Variants in HYDIN observed in about 807,000 individuals in gnomAD.
HYDIN encodes HYDIN axonemal central pair apparatus protein.
Under a neutral mutation model 403.9 loss-of-function variants are expected in HYDIN, and 132 were observed. The ratio of observed to expected loss-of-function variants is 0.33; its 90% CI spans 0.28 to 0.38. The LOEUF (loss-of-function observed/expected upper bound fraction) is 0.38. Among genes scored for constraint, HYDIN ranks in the 10% least tolerant of loss-of-function variants. HYDIN has a pLI of 1.00. For synonymous variants in HYDIN, 1,202 were observed against 1,891.7 expected (o/e 0.64, Z 9.46); for missense variants, 2,827 against 5,009.5 (o/e 0.56, Z 13.15).
rs978535304 is a variant in HYDIN, at chr16:71,217,032, T to C, written c.-24+13530A>G. Among the ~76,000 whole-genome samples, 9 of 152,234 alleles carry C rather than the reference T, an allele frequency of 5.9e-5. 1 individual carries two copies. The highest frequency in any genetic ancestry group is 4.6e-4 in the Admixed American group (7 of 15,284). ...CTCACAGGTTTGGCACAGGAACTGA[T>C]AGCAGTAGGTACCTTTTGGACAGGT... is the stretch of plus-strand genomic sequence containing the variant. On this transcript the variant is annotated intron_variant, in intron 1 of 85. Coordinates refer to ENST00000393567, the MANE Select transcript of HYDIN (RefSeq NM_001270974.2).
intron 6 of HYDIN, among the ~76,000 whole-genome samples, chr16:71,162,120 A>T (rs1213175574): frequency 6.7e-6 from 1 of 148,734 alleles, no homozygotes; most frequent in African/African-American, 2.5e-5. Context: ...CTTCTGACCC[A>T]CTGAAAAGTA....
rs929038878 is a variant in HYDIN, at chr16:70,858,767, G to A, written c.12130-897C>T. On this transcript the variant is annotated intron_variant, in intron 71 of 85. Transcript: ENST00000393567. ...ATTTTGGAACTTGCCTCTTGGAACC[G>A]AGCTCACATTTGAAACATTTCTGGG... Among the ~76,000 whole-genome samples the A allele has an allele frequency of 5.9e-5, 9 of 152,318 alleles. No homozygotes were observed. The East Asian group carries it at 9.7e-4, about 16-fold the overall frequency.
rs1435743026 is a variant in HYDIN at position 70,807,311 on chromosome 16, G to C, written c.*269C>G. On this transcript the variant is annotated 3_prime_UTR_variant, in exon 86 of 86. Coordinates refer to ENST00000393567, the MANE Select transcript of HYDIN (RefSeq NM_001270974.2). The stretch of plus-strand genomic sequence containing the variant: ...ATGGGAATTATTACAAAGTACTTGA[G>C]CTTTGGGGCTATGTCAAGAAACTCA... 1 of 413,392 alleles carries C rather than the reference G, an allele frequency of 2.4e-6. No individual in the cohort carries two copies. Among genetic ancestry groups the C allele is most frequent in the African/African-American group, 2.0e-5 (1 of 50,068 alleles). 25.6% of individuals were successfully genotyped at this position (413,392 alleles called of 1,614,324 possible).
At chr16:71,030,356 C>A (rs1239890714) in intron 19 of HYDIN, among the ~76,000 whole-genome samples, 3 of 151,614 alleles carry the variant, frequency 2.0e-5, no homozygotes, top group African/African-American at 7.3e-5. Context: ...TGCTCCCAGC[C>A]CAAACCTTAT....
At chr16:71,092,186 C>T (rs2083128307) in intron 11 of HYDIN, among the ~76,000 whole-genome samples, 1 of 152,130 alleles carries the variant, frequency 6.6e-6, no homozygotes, top group Admixed American at 6.5e-5. Flanking sequence ...CTTGAATGCA[C>T]TTCCTCTTTT....
Position 71,072,454 on chromosome 16 carries a change from A to G in HYDIN, c.1739-2952T>C, listed in dbSNP as rs2082496678. On this transcript the variant is annotated intron_variant, in intron 13 of 85. Coordinates refer to ENST00000393567, the MANE Select transcript of HYDIN (RefSeq NM_001270974.2). ...CCACTGCTGTGACTGTGACTAAGAAACTGTAGACTATAAGTTTCCCACCTG... is the reference window on the plus strand; with the variant it reads ...CCACTGCTGTGACTGTGACTAAGAAGCTGTAGACTATAAGTTTCCCACCTG... 3.9e-5 allele frequency among the ~76,000 whole-genome samples: 6 copies of G among 152,340 alleles called. No individual in the cohort carries two copies. The South Asian group carries it at 1.2e-3, about 32-fold the overall frequency.
intron 23 of HYDIN, among the ~76,000 whole-genome samples, chr16:70,992,566 T>G (rs1212824337): frequency 6.7e-6 from 1 of 148,748 alleles, no homozygotes; most frequent in Non-Finnish European, 1.5e-5. Context: ...CTGGAATAAG[T>G]AGTCGGCATG....
chr16:70,916,707 C>A (rs1267025301), intron 47 of HYDIN, among the ~76,000 whole-genome samples: 2 of 152,178 alleles, frequency 1.3e-5, no homozygotes, highest in Admixed American at 6.5e-5. Context: ...CAATCTAGAC[C>A]CTCCTGCCCC....
At chr16:71,177,923 A>G (rs1465390814) in intron 4 of HYDIN, among the ~76,000 whole-genome samples, 1 of 152,230 alleles carries the variant, frequency 6.6e-6, no homozygotes, top group African/African-American at 2.4e-5. Flanking sequence ...GCTGAAAAAG[A>G]AATCTTCCAT....
Position 70,884,029 on chromosome 16 carries a change from G to A in HYDIN, c.9870C>T (p.Asp3290=), listed in dbSNP as rs141625832. The change falls in exon 59 of 86, where the codon GAC becomes GAT. Residue 3290 remains aspartate (D), a synonymous_variant. Coordinates refer to ENST00000393567, the MANE Select transcript of HYDIN (RefSeq NM_001270974.2). ...TAAACTCCTCACACTTTCCCATGGCGTCAGCCACACAGTCAACGTTGATGA... is the reference window on the plus strand; with the variant it reads ...TAAACTCCTCACACTTTCCCATGGCATCAGCCACACAGTCAACGTTGATGA... ...QQVINVDCVA[D]AMGKCEEFIA... 1.3e-5 allele frequency: 21 copies of A among 1,614,150 alleles called. No individual in the cohort carries two copies. Among genetic ancestry groups the A allele is most frequent in the East Asian group, 8.9e-5 (4 of 44,870 alleles).
intron 66 of HYDIN, 27 bp from the exon 67 acceptor site, chr16:70,866,356 G>A: frequency 1.3e-6 from 1 of 767,250 alleles, no homozygotes; most frequent in Non-Finnish European, 2.2e-6. Context: ...TGTGTCCTCA[G>A]AGATGCAGAG....
chr16:71,135,273 G>C (rs1461380540), intron 8 of HYDIN, among the ~76,000 whole-genome samples: 1 of 152,070 alleles, frequency 6.6e-6, no homozygotes, highest in Non-Finnish European at 1.5e-5. Flanking sequence ...CAATATTAAA[G>C]AGATAGGGGT....
At chr16:71,213,295 C>T in intron 1 of HYDIN, among the ~76,000 whole-genome samples, 1 of 151,922 alleles carries the variant, frequency 6.6e-6, no homozygotes, top group South Asian at 2.1e-4. Context: ...AACATGAGTG[C>T]TGTCATGAAT....
At chr16:71,016,363 A>G (rs1380271904) in intron 23 of HYDIN, among the ~76,000 whole-genome samples, 2 of 152,106 alleles carry the variant, frequency 1.3e-5, no homozygotes, top group East Asian at 3.9e-4. Flanking sequence ...CAGGTATAGA[A>G]AAGATGCTCA....
chr16:70,989,874 CA>C (rs962542921), intron 25 of HYDIN, among the ~76,000 whole-genome samples: 19 of 152,010 alleles, frequency 1.2e-4, no homozygotes, highest in African/African-American at 4.3e-4. Flanking sequence ...ATGAACAAAA[CA>C]GAAAAAAAAT....
At chr16:71,189,511 T>C (rs2087315577) in intron 1 of HYDIN, among the ~76,000 whole-genome samples, 1 of 152,110 alleles carries the variant, frequency 6.6e-6, no homozygotes, top group Admixed American at 6.5e-5. Context: ...CTCACACCCG[T>C]AATCTCAGCA....
At chr16:71,084,753 G>A (rs1186705753) in intron 12 of HYDIN, among the ~76,000 whole-genome samples, 4 of 135,984 alleles carry the variant, frequency 2.9e-5, no homozygotes, top group South Asian at 2.5e-4. Flanking sequence ...TTTGATCCAT[G>A]TAGAGGCAGT....
intron 18 of HYDIN, among the ~76,000 whole-genome samples, chr16:71,047,701 T>C (rs372095721): frequency 4.7e-5 from 7 of 150,084 alleles, no homozygotes; most frequent in Admixed American, 2.0e-4. Flanking sequence ...TTTTAAATGA[T>C]ATATTTTTCC....
intron 1 of HYDIN, among the ~76,000 whole-genome samples, chr16:71,218,017 T>G (rs1350434814): frequency 6.6e-6 from 1 of 152,132 alleles, no homozygotes; most frequent in South Asian, 2.1e-4. Context: ...CAAAGTAAAT[T>G]CTGTATTCTT....
Sources: gnomAD v4.1 joint callset for allele counts (sites outside exome capture counted in the v4.1 genomes callset) on GRCh38, gnomAD v4.1.1 for gene constraint, MANE v1.5 for transcripts, NCBI Gene and HGNC (gene_info 2026-07-23, HGNC 2026-07-21) for gene names.